LRRC8E: variants seen among roughly 807,000 people sequenced by gnomAD.
LRRC8E encodes volume-regulated anion channel subunit LRRC8E.
Under a neutral mutation model 6.1 loss-of-function variants are expected in LRRC8E, and 6 were observed. That is an observed-to-expected ratio of 0.98 (90% CI 0.54 to 1.93). LRRC8E has a LOEUF of 1.93. LRRC8E is among the 30% of genes most tolerant of loss of function. The probability of loss-of-function intolerance (pLI) is 0.01; values close to 1 mark genes in which losing one functional copy is unlikely to be tolerated. For missense variants in LRRC8E, 1,028 were observed against 1,031.4 expected (o/e 1.00, Z 0.04); for synonymous variants, 485 against 472.8 (o/e 1.03, Z -0.33).
Position 7,899,116 on chromosome 19 carries a change from AGG to A in LRRC8E, c.597_598del (p.Glu200GlyfsTer2). The part of the protein sequence containing the change: ...AMAGTGPGKA[G>X]EGEKEKVLAE... ...TGGCAGGGACCGGGCCGGGGAAGGC[AGG>A]GGAGGGTGAGAAGGAGAAAGTGCTG... On this transcript the variant is annotated frameshift_variant, in exon 3 of 3. Coordinates refer to ENST00000306708, the MANE Select transcript of LRRC8E (RefSeq NM_025061.6). LOFTEE classifies it low-confidence loss of function (END_TRUNC). The A allele has an allele frequency of 6.2e-7, 1 of 1,613,064 alleles. No homozygotes were observed. The highest frequency in any genetic ancestry group is 8.5e-7 in the Non-Finnish European group (1 of 1,179,392).
In LRRC8E at chr19:7,899,115, C is replaced by G. The variant is rs148156601; in HGVS notation, c.593C>G (p.Ala198Gly). The G allele has an allele frequency of 6.2e-7, 1 of 1,613,058 alleles. No individual in the cohort carries two copies. The highest frequency in any genetic ancestry group is 2.2e-5 in the East Asian group (1 of 44,864). The change falls in exon 3 of 3, where the codon GCA (alanine) becomes GGA (glycine). Residue 198 changes from alanine (A) to glycine (G), a missense_variant. Physicochemically the swap from Ala to Gly is moderately conservative, Grantham distance 60. Transcript: ENST00000306708. ...VAMAGTGPGK[A>G]GEGEKEKVLA... is the part of the protein sequence containing the mutation. ...ATGGCAGGGACCGGGCCGGGGAAGG[C>G]AGGGGAGGGTGAGAAGGAGAAAGTG...
chr19:7,899,024 G>C lies in LRRC8E; in HGVS notation c.502G>C (p.Glu168Gln), dbSNP rs1431252227. The C allele has an allele frequency of 6.2e-7, 1 of 1,613,700 alleles. No homozygotes were observed. Among genetic ancestry groups the C allele is most frequent in the African/African-American group, 1.3e-5 (1 of 74,922 alleles). The change falls in exon 3 of 3, where the codon GAG becomes CAG. Residue 168 changes from glutamate to glutamine, a missense_variant. Glu to Gln is a conservative substitution (Grantham distance 29). Coordinates refer to ENST00000306708, the MANE Select transcript of LRRC8E (RefSeq NM_025061.6). The stretch of plus-strand genomic sequence containing the variant: ...TCCATGGACCACCAGGGCCCTATCC[G>C]AGGTCTCCGGGGAGAACCAGAAGGG... The part of the protein sequence containing the change: ...DSPWTTRALS[E>Q]VSGENQKGPA...
intron 2 of LRRC8E, among the ~76,000 whole-genome samples, chr19:7,897,292 C>T (rs1981648316): frequency 6.6e-6 from 1 of 151,916 alleles, no homozygotes; most frequent in Admixed American, 6.6e-5. Flanking sequence ...GGCTTAGCCT[C>T]CCAAGTAGCT....
At chr19:7,897,408 G>A (rs1188454745) in intron 2 of LRRC8E, among the ~76,000 whole-genome samples, 2 of 151,020 alleles carry the variant, frequency 1.3e-5, no homozygotes, top group African/African-American at 2.4e-5. Context: ...TCCTGACCTC[G>A]TGATCAGGAT....
chr19:7,900,167 G>A lies in LRRC8E; in HGVS notation c.1645G>A (p.Val549Met), dbSNP rs943763784. The A allele has an allele frequency of 1.5e-5, 24 of 1,612,906 alleles. No homozygotes were observed. The highest frequency in any genetic ancestry group is 2.0e-5 in the Non-Finnish European group (24 of 1,179,950). The change falls in exon 3 of 3, where the codon GTG (valine) becomes ATG (methionine). Residue 549 changes from valine (V) to methionine (M), a missense_variant. Coordinates refer to ENST00000306708, the MANE Select transcript of LRRC8E (RefSeq NM_025061.6). The surrounding 1 kb of genome is among the most constrained non-coding windows in gnomAD (Gnocchi z 5.0). Reference sequence around the variant, plus strand: ...GTCCCTCCGGAGCAACGCCGGGAAGGTGCCAGCCAGTGTGACCGACGTTGC... The same window carrying A: ...GTCCCTCCGGAGCAACGCCGGGAAGATGCCAGCCAGTGTGACCGACGTTGC... ...VLSLRSNAGK[V>M]PASVTDVAGH...
rs1175685068 is a variant in LRRC8E, at chr19:7,899,031, C to T, written c.509C>T (p.Ser170Phe). The change falls in exon 3 of 3, where the codon TCC (serine) becomes TTC (phenylalanine). Residue 170 changes from serine (S) to phenylalanine (F), a missense_variant. Transcript: ENST00000306708. ...PWTTRALSEVSGENQKGPAAT... is the reference protein window; with the variant it reads ...PWTTRALSEVFGENQKGPAAT... Reference sequence around the variant, plus strand: ...ACCACCAGGGCCCTATCCGAGGTCTCCGGGGAGAACCAGAAGGGCCCAGCA... The same window carrying T: ...ACCACCAGGGCCCTATCCGAGGTCTTCGGGGAGAACCAGAAGGGCCCAGCA... 2.5e-6 allele frequency: 4 copies of T among 1,613,764 alleles called. No individual in the cohort carries two copies. Among genetic ancestry groups the T allele is most frequent in the Non-Finnish European group, 3.4e-6 (4 of 1,179,964 alleles).
At chr19:7,891,732 GAGT>G (rs1981327788) in intron 1 of LRRC8E, among the ~76,000 whole-genome samples, 1 of 151,864 alleles carries the variant, frequency 6.6e-6, no homozygotes, top group Non-Finnish European at 1.5e-5. Context: ...TCACTCTCCT[GAGT>G]AGCTGGGATT....
At chr19:7,892,050 C>T (rs1031943739) in intron 1 of LRRC8E, among the ~76,000 whole-genome samples, 60 of 151,680 alleles carry the variant, frequency 4.0e-4, no homozygotes, top group African/African-American at 1.4e-3. Flanking sequence ...CAGGCATGCA[C>T]CACCACACCT....
chr19:7,900,695 C>A lies in LRRC8E; in HGVS notation c.2173C>A (p.Arg725=). ...AGAGCTCTTCTTCTGCCGCAAGCTG[C>A]GGACGTTGCTTCTGGGCGACAACCA... ...PEELFFCRKL[R]TLLLGDNQLS... is the part of the protein sequence containing the mutation. The change falls in exon 3 of 3, where the codon CGG becomes AGG. Residue 725 remains arginine, a synonymous_variant. Coordinates refer to ENST00000306708, the MANE Select transcript of LRRC8E (RefSeq NM_025061.6). The surrounding 1 kb of genome is among the most constrained non-coding windows in gnomAD (Gnocchi z 5.0). The A allele has an allele frequency of 1.2e-6, 2 of 1,613,446 alleles. No individual in the cohort carries two copies. The highest frequency in any genetic ancestry group is 2.2e-5 in the South Asian group (2 of 91,088).
Position 7,901,003 on chromosome 19 carries a change from G to A in LRRC8E, c.*90G>A. 4.2e-6 allele frequency: 4 copies of A among 941,826 alleles called. No homozygotes were observed. The highest frequency in any genetic ancestry group is 4.5e-6 in the Non-Finnish European group (3 of 667,388). The allele number at this position is 941,826 out of a possible 1,614,324, so 58.3% of individuals were successfully genotyped here. A position where few individuals can be genotyped will look rare whatever the true frequency, so the allele number is the denominator to read the frequency against. On this transcript the variant is annotated 3_prime_UTR_variant, in exon 3 of 3. Coordinates refer to ENST00000306708, the MANE Select transcript of LRRC8E (RefSeq NM_025061.6). Reference sequence around the variant, plus strand: ...GTCTTCCAAGATAGGAAGCCAAGTGGGTCCAGGCCAGGAGATGGGGGGGGC... The same window carrying A: ...GTCTTCCAAGATAGGAAGCCAAGTGAGTCCAGGCCAGGAGATGGGGGGGGC...
Position 7,900,880 on chromosome 19 carries a change from G to A in LRRC8E, c.2358G>A (p.Pro786=), listed in dbSNP as rs757113180. The change falls in exon 3 of 3, where the codon CCG becomes CCA. Residue 786 remains proline, a synonymous_variant. Transcript: ENST00000306708. The surrounding 1 kb of genome is among the most constrained non-coding windows in gnomAD (Gnocchi z 5.0). ...LVEDTLYQGL[P]AEVRDKMEEE is the part of the protein sequence containing the mutation. ...AAGACACGCTTTACCAGGGTCTGCC[G>A]GCAGAAGTGCGGGACAAGATGGAGG... The A allele has an allele frequency of 1.0e-5, 16 of 1,531,556 alleles. No individual in the cohort carries two copies. The highest frequency in any genetic ancestry group is 1.8e-4 in the Middle Eastern group (1 of 5,520). The allele number at this position is 1,531,556 out of a possible 1,614,324, so 94.9% of individuals were successfully genotyped here.
chr19:7,890,056 CT>C (rs891753521), intron 1 of LRRC8E, among the ~76,000 whole-genome samples: 2 of 140,316 alleles, frequency 1.4e-5, no homozygotes, highest in Non-Finnish European at 1.6e-5. Flanking sequence ...GACTCTATGT[CT>C]AAAAAAAAAA....
rs1455030071 is a variant in LRRC8E at position 7,895,074 on chromosome 19, T to C, written c.-5-525T>C. On this transcript the variant is annotated intron_variant, in intron 1 of 2. Transcript: ENST00000306708. This position sits in a 1 kb window ranked among gnomAD's most constrained non-coding sequence, Gnocchi z 4.7. ...CCAGCCGGCTTTTCCGGTTAGAGGTTGGAGGTGGTGCCCAGAGTGCCCCTG... is the reference window on the plus strand; with the variant it reads ...CCAGCCGGCTTTTCCGGTTAGAGGTCGGAGGTGGTGCCCAGAGTGCCCCTG... 1 of 153,062 alleles carries C rather than the reference T, an allele frequency of 6.5e-6. No homozygotes were observed. Among genetic ancestry groups the C allele is most frequent in the Non-Finnish European group, 1.5e-5 (1 of 68,580 alleles). 9.5% of individuals were successfully genotyped at this position (153,062 alleles called of 1,614,324 possible). A position where few individuals can be genotyped will look rare whatever the true frequency, so the allele number is the denominator to read the frequency against.
chr19:7,898,353 CTCT>C (rs1272504166), intron 2 of LRRC8E, among the ~76,000 whole-genome samples: 1 of 151,872 alleles, frequency 6.6e-6, no homozygotes, highest in Non-Finnish European at 1.5e-5. Flanking sequence ...CTCATTTTCT[CTCT>C]TTTTTAAATT....
intron 1 of LRRC8E, among the ~76,000 whole-genome samples, chr19:7,890,849 C>G (rs1295389532): frequency 1.3e-5 from 2 of 152,104 alleles, no homozygotes; most frequent in South Asian, 2.1e-4. Flanking sequence ...AGGTGCCCAC[C>G]ACCACTCCAG....
At chr19:7,897,647 C>T (rs1397295306) in intron 2 of LRRC8E, among the ~76,000 whole-genome samples, 1 of 150,480 alleles carries the variant, frequency 6.6e-6, no homozygotes, top group East Asian at 2.0e-4. Context: ...GGATTACAAG[C>T]CTGAGCCACC....
intron 1 of LRRC8E, among the ~76,000 whole-genome samples, chr19:7,891,638 G>T (rs888854810): frequency 2.0e-5 from 3 of 151,800 alleles, no homozygotes; most frequent in African/African-American, 4.8e-5. Context: ...ACGGAGTCTC[G>T]CTCTGTCGCC....
chr19:7,895,832 G>C lies in LRRC8E; in HGVS notation c.138+91G>C, dbSNP rs952363668. 1 of 1,516,916 alleles carries C rather than the reference G, an allele frequency of 6.6e-7. No individual in the cohort carries two copies. 94.0% of individuals were successfully genotyped at this position (1,516,916 alleles called of 1,614,324 possible). ...AAGCCTTCTCATCACCCAAGAAAGA[G>C]AGGAAACTGAAGACAGAGCCCCACT... On this transcript the variant is annotated intron_variant, in intron 2 of 2. Transcript: ENST00000306708. This position sits in a 1 kb window ranked among gnomAD's most constrained non-coding sequence, Gnocchi z 4.7.
chr19:7,890,517 C>T (rs563545053), intron 1 of LRRC8E, among the ~76,000 whole-genome samples: 60 of 151,836 alleles, frequency 4.0e-4, no homozygotes, highest in Admixed American at 1.9e-3. Context: ...CAGCCGGGCA[C>T]GGTGGCGCAC....
Sources: allele counts gnomAD v4.1 joint callset (sites outside exome capture counted in the v4.1 genomes callset), GRCh38; gene constraint gnomAD v4.1.1; non-coding constraint Gnocchi (gnomAD v3.1); transcripts MANE v1.5; gene names NCBI Gene and HGNC (gene_info 2026-07-23, HGNC 2026-07-21).